CADM2: variants seen among roughly 807,000 people sequenced by gnomAD.
The protein encoded by CADM2 is immunoglobulin superfamily member 4D.
In CADM2, 12 loss-of-function variants were observed where a neutral mutation model predicts 49.8. The ratio of observed to expected loss-of-function variants is 0.24; its 90% CI spans 0.15 to 0.39. CADM2 has a LOEUF of 0.39. CADM2 is among the 10% of genes least tolerant of loss of function. CADM2 has a pLI of 1.00. For missense variants in CADM2, 378 were observed against 492.3 expected (o/e 0.77, Z 2.20); for synonymous variants, 214 against 175.4 (o/e 1.22, Z -1.74).
At chr3:85,514,132 C>A (rs2060839561) in intron 1 of CADM2, among the ~76,000 whole-genome samples, 1 of 151,798 alleles carries the variant, frequency 6.6e-6, no homozygotes, top group Non-Finnish European at 1.5e-5. Flanking sequence ...CAATTTTTTT[C>A]TTTTAATGTT....
intron 6 of CADM2, among the ~76,000 whole-genome samples, chr3:85,931,836 G>A (rs75177459): frequency 1.3e-5 from 2 of 151,272 alleles, no homozygotes; most frequent in African/African-American, 4.9e-5. Context: ...AATGATACAG[G>A]TTATGCAGGA....
intron 3 of CADM2, among the ~76,000 whole-genome samples, chr3:85,854,791 A>T (rs113291936): frequency 9.8e-5 from 15 of 152,294 alleles, no homozygotes; most frequent in African/African-American, 3.6e-4. Context: ...AAACAAATTT[A>T]AAAACCACAC....
chr3:85,221,698 G>A (rs2042047741), intron 1 of CADM2, among the ~76,000 whole-genome samples: 1 of 152,138 alleles, frequency 6.6e-6, no homozygotes, highest in Non-Finnish European at 1.5e-5. Flanking sequence ...GGAAAAGTGT[G>A]AGAAACAAGC....
intron 1 of CADM2, among the ~76,000 whole-genome samples, chr3:85,529,641 C>G (rs2061250571): frequency 2.0e-5 from 3 of 152,064 alleles, no homozygotes; most frequent in African/African-American, 7.2e-5. Flanking sequence ...TACCTTGTCT[C>G]TGACCTCCAG....
intron 2 of CADM2, among the ~76,000 whole-genome samples, chr3:85,791,368 T>C (rs1577319694): frequency 6.6e-6 from 1 of 152,122 alleles, no homozygotes; most frequent in East Asian, 1.9e-4. Context: ...AGTAATTTAG[T>C]GGAAGTAATA....
intron 1 of CADM2, among the ~76,000 whole-genome samples, chr3:85,001,702 C>T (rs1205153236): frequency 6.6e-6 from 1 of 151,894 alleles, no homozygotes; most frequent in Non-Finnish European, 1.5e-5. Flanking sequence ...GAAACGCCTT[C>T]TAAGAAGTGT....
At chr3:85,048,130 A>C (rs17022365) in intron 1 of CADM2, among the ~76,000 whole-genome samples, 4,961 of 152,260 alleles carry the variant, frequency 0.033, 246 homozygotes, top group African/African-American at 0.11. Flanking sequence ...CAGCATGTTA[A>C]GTGCCAAGAC....
At chr3:86,059,095 CAAA>C (rs10712762) in intron 8 of CADM2, among the ~76,000 whole-genome samples, 43 of 128,578 alleles carry the variant, frequency 3.3e-4, no homozygotes, top group African/African-American at 9.4e-4. Context: ...CTCCATCTTA[CAAA>C]AAAAAAAAAA....
At chr3:85,433,503 A>G (rs1183604511) in intron 1 of CADM2, among the ~76,000 whole-genome samples, 1 of 151,978 alleles carries the variant, frequency 6.6e-6, no homozygotes, top group Admixed American at 6.6e-5. Context: ...ACTTGTGACT[A>G]CCCGCCTGGA....
intron 1 of CADM2, among the ~76,000 whole-genome samples, chr3:85,649,572 A>G (rs2064985887): frequency 6.6e-6 from 1 of 152,224 alleles, no homozygotes; most frequent in Non-Finnish European, 1.5e-5. Flanking sequence ...TTTAGTTACA[A>G]AAATCAGAAA....
At chr3:85,024,045 C>A (rs1194686760) in intron 1 of CADM2, among the ~76,000 whole-genome samples, 1 of 151,994 alleles carries the variant, frequency 6.6e-6, no homozygotes, top group Admixed American at 6.5e-5. Context: ...AGATACCAAA[C>A]ATATATATTT....
intron 1 of CADM2, among the ~76,000 whole-genome samples, chr3:85,112,086 T>C (rs1441324528): frequency 6.6e-6 from 1 of 151,920 alleles, no homozygotes; most frequent in Non-Finnish European, 1.5e-5. Flanking sequence ...TCCTTTCCTA[T>C]CCTTCCACAT....
In CADM2 at chr3:85,670,001, A is replaced by G. The variant is rs542425617; in HGVS notation, c.62-56521A>G. ...GGCTACTAACTAAACCGTGATCTCAATGAACTCAATTTCTCCCCCTGGGTT... is the reference window on the plus strand; with the variant it reads ...GGCTACTAACTAAACCGTGATCTCAGTGAACTCAATTTCTCCCCCTGGGTT... On this transcript the variant is annotated intron_variant, in intron 1 of 9. Coordinates refer to ENST00000383699, the MANE Select transcript of CADM2 (RefSeq NM_001167675.2). 7.2e-5 allele frequency among the ~76,000 whole-genome samples: 11 copies of G among 152,234 alleles called. 1 individual carries two copies. Among genetic ancestry groups the G allele is most frequent in the East Asian group, 1.9e-4 (1 of 5,170 alleles).
intron 7 of CADM2, among the ~76,000 whole-genome samples, chr3:85,953,978 A>G (rs145358064): frequency 6.6e-6 from 1 of 151,068 alleles, no homozygotes; most frequent in East Asian, 2.0e-4. Context: ...TCATGCATAC[A>G]TGTATAAAGA....
chr3:85,644,160 G>A (rs2064816128), intron 1 of CADM2, among the ~76,000 whole-genome samples: 1 of 152,158 alleles, frequency 6.6e-6, no homozygotes, highest in African/African-American at 2.4e-5. Flanking sequence ...CAGCGTTGGT[G>A]TCTGGTGAGG....
chr3:85,074,605 A>G (rs532184234), intron 1 of CADM2, among the ~76,000 whole-genome samples: 1 of 152,164 alleles, frequency 6.6e-6, no homozygotes, highest in Non-Finnish European at 1.5e-5. Flanking sequence ...ATTAATAATT[A>G]AATAGCTTCC....
chr3:85,992,320 G>C (rs982602719), intron 8 of CADM2: 1 of 151,810 alleles, frequency 6.6e-6, no homozygotes, highest in South Asian at 2.1e-4. Flanking sequence ...TTGTAATTCT[G>C]TATTTCTTAA....
intron 1 of CADM2, among the ~76,000 whole-genome samples, chr3:85,718,238 C>CT (rs1415649402): frequency 2.6e-5 from 4 of 152,166 alleles, no homozygotes; most frequent in Non-Finnish European, 5.9e-5. Flanking sequence ...CATCAACACT[C>CT]TATTATGTTC....
At chr3:85,193,052 T>C (rs1002272957) in intron 1 of CADM2, among the ~76,000 whole-genome samples, 7 of 152,106 alleles carry the variant, frequency 4.6e-5, no homozygotes, top group Non-Finnish European at 7.4e-5. Flanking sequence ...GTAATGAATG[T>C]CTGAAGTTCC....
Sources: allele counts gnomAD v4.1 joint callset (sites outside exome capture counted in the v4.1 genomes callset), GRCh38; gene constraint gnomAD v4.1.1; transcripts MANE v1.5; gene names NCBI Gene and HGNC (gene_info 2026-07-23, HGNC 2026-07-21).